Variants in MDM4 observed in about 807,000 individuals in gnomAD.
MDM4 encodes the protein protein Mdm4.
A neutral mutation model predicts 60.2 loss-of-function variants in MDM4; 2 were observed. The ratio of observed to expected loss-of-function variants is 0.03; its 90% CI spans 0.01 to 0.10. The LOEUF (loss-of-function observed/expected upper bound fraction) is 0.10. MDM4 is among the 10% of genes least tolerant of loss of function. MDM4 has a pLI of 1.00. For missense variants in MDM4, 447 were observed against 577.5 expected, an observed-to-expected ratio of 0.77 and a Z score of 2.32; for synonymous variants, 202 against 198.1, an observed-to-expected ratio of 1.02 and a Z score of -0.17.
intron 1 of MDM4, among the ~76,000 whole-genome samples, chr1:204,519,928 A>C (rs558082952): frequency 6.6e-6 from 1 of 152,250 alleles, no homozygotes; most frequent in African/African-American, 2.4e-5. Context: ...TAGAAGGAGA[A>C]AATCTAGAAC....
chr1:204,527,814 G>A (rs550683036), intron 3 of MDM4, among the ~76,000 whole-genome samples: 5 of 151,858 alleles, frequency 3.3e-5, no homozygotes, highest in Admixed American at 2.6e-4. Flanking sequence ...CTTTCATTTG[G>A]TGGGGTAGAT....
At chr1:204,546,268 T>G (rs548084454) in intron 9 of MDM4, among the ~76,000 whole-genome samples, 1 of 152,270 alleles carries the variant, frequency 6.6e-6, no homozygotes, top group Non-Finnish European at 1.5e-5. Flanking sequence ...AGTGGTGAGA[T>G]CATAGCTTAC....
In MDM4 at chr1:204,536,649, C is replaced by T. The variant is rs183246725; in HGVS notation, c.344-781C>T. On this transcript the variant is annotated intron_variant, in intron 5 of 10. Transcript: ENST00000367182. ...TTGCAGCTTGATCTTTTCGTGTAGC[C>T]AAGTTTTTGTCTTTTGTTCTACTTG... Among the ~76,000 whole-genome samples the T allele has an allele frequency of 3.6e-4, 55 of 152,242 alleles. 2 individuals carry two copies. The East Asian group carries it at 9.5e-3, about 26-fold the overall frequency.
At chr1:204,546,311 T>C (rs2102437710) in intron 9 of MDM4, among the ~76,000 whole-genome samples, 1 of 152,274 alleles carries the variant, frequency 6.6e-6, no homozygotes, top group East Asian at 1.9e-4. Context: ...CAAGCGATTC[T>C]CTTGTCTCAG....
At chr1:204,536,589 C>T (rs1661452179) in intron 5 of MDM4, among the ~76,000 whole-genome samples, 1 of 152,144 alleles carries the variant, frequency 6.6e-6, no homozygotes, top group East Asian at 1.9e-4. Flanking sequence ...ATTCACATAG[C>T]CTCAAATAAT....
intron 3 of MDM4, chr1:204,528,955 T>G (rs772925369): frequency 6.4e-7 from 1 of 1,561,948 alleles, no homozygotes; most frequent in Non-Finnish European, 8.8e-7. Flanking sequence ...TGCAGCTGGG[T>G]GCACACCTGG....
intron 7 of MDM4, among the ~76,000 whole-genome samples, chr1:204,538,819 C>T (rs573969794): frequency 6.0e-5 from 9 of 151,064 alleles, no homozygotes; most frequent in African/African-American, 2.2e-4. Context: ...GATTCTTGTG[C>T]CTCAGCCTCC....
At chr1:204,534,155 A>G (rs1661151842) in intron 5 of MDM4, among the ~76,000 whole-genome samples, 1 of 152,208 alleles carries the variant, frequency 6.6e-6, no homozygotes, top group African/African-American at 2.4e-5. Flanking sequence ...ATACCGAAAC[A>G]TGATTTTGAA....
intron 1 of MDM4, chr1:204,525,204 A>T: frequency 3.5e-6 from 1 of 284,134 alleles, no homozygotes; most frequent in Non-Finnish European, 5.3e-6. Context: ...AAAACAGTTT[A>T]CTGATTAACA....
chr1:204,542,987 A>G lies in MDM4; in HGVS notation c.672+43A>G. On this transcript the variant is annotated intron_variant, in intron 8 of 10. Coordinates refer to ENST00000367182, the MANE Select transcript of MDM4 (RefSeq NM_002393.5). ...AGGGAAGTGGTTTTTTTTCTTTTGA[A>G]AGGGTAACATTCTTGGTTACTCTTG... is the stretch of plus-strand genomic sequence containing the variant. The G allele has an allele frequency of 2.0e-6, 3 of 1,507,680 alleles. No individual in the cohort carries two copies. In the East Asian group the frequency reaches 6.8e-5, roughly 34 times the overall value. 93.4% of individuals were successfully genotyped at this position (1,507,680 alleles called of 1,614,324 possible).
At chr1:204,529,379 AG>A in intron 3 of MDM4, 1 of 991,446 alleles carries the variant, frequency 1.0e-6, no homozygotes, top group South Asian at 1.3e-5. Flanking sequence ...CCTGTCCATG[AG>A]GCCTGGGCTG....
At chr1:204,520,753 G>A (rs1300038909) in intron 1 of MDM4, among the ~76,000 whole-genome samples, 1 of 152,174 alleles carries the variant, frequency 6.6e-6, no homozygotes. Flanking sequence ...GCGCATGCCT[G>A]TAGTCCCAGA....
intron 7 of MDM4, 144 bp from the exon 8 acceptor site, chr1:204,542,636 AAGAC>A: frequency 1.7e-6 from 1 of 592,904 alleles, no homozygotes; most frequent in Non-Finnish European, 2.8e-6. Flanking sequence ...CTCTGCCACT[AAGAC>A]AGATACTTGA....
chr1:204,546,317 C>T (rs970367330), intron 9 of MDM4, among the ~76,000 whole-genome samples: 1 of 152,082 alleles, frequency 6.6e-6, no homozygotes, highest in South Asian at 2.1e-4. Context: ...ATTCTCTTGT[C>T]TCAGCCCCCA....
In MDM4 at chr1:204,553,893, A is replaced by G. The variant is rs1461897627; in HGVS notation, c.*4211A>G. On this transcript the variant is annotated 3_prime_UTR_variant, in exon 11 of 11. Coordinates refer to ENST00000367182, the MANE Select transcript of MDM4 (RefSeq NM_002393.5). ...TGGAATAGTATGGGTTTCTAATCCT[A>G]GGCTTGTACAATGGATTGGAGTTGA... 3 of 223,044 alleles carry G rather than the reference A, an allele frequency of 1.3e-5. No homozygotes were observed. The highest frequency in any genetic ancestry group is 2.7e-5 in the Non-Finnish European group (3 of 111,732). The allele number at this position is 223,044 out of a possible 1,614,324, so 13.8% of individuals were successfully genotyped here.
chr1:204,538,831 G>A (rs1481266744), intron 7 of MDM4, among the ~76,000 whole-genome samples: 3 of 148,680 alleles, frequency 2.0e-5, no homozygotes, highest in African/African-American at 7.4e-5. Context: ...TCAGCCTCCT[G>A]AGTAGCTGAG....
chr1:204,536,791 T>A (rs1239936320), intron 5 of MDM4: 2 of 189,162 alleles, frequency 1.1e-5, no homozygotes, highest in Non-Finnish European at 2.2e-5. Flanking sequence ...TGAGAAAAAC[T>A]TTATTTGCTG....
At chr1:204,528,875 G>A (rs1660537470) in intron 3 of MDM4, 6 of 1,588,968 alleles carry the variant, frequency 3.8e-6, no homozygotes, top group Admixed American at 3.4e-5. Flanking sequence ...TGGTGACGAC[G>A]TCCTTGAAGC....
chr1:204,519,376 G>A (rs967331965), intron 1 of MDM4, among the ~76,000 whole-genome samples: 2 of 152,242 alleles, frequency 1.3e-5, no homozygotes, highest in South Asian at 4.2e-4. Flanking sequence ...GCGTGATGGT[G>A]CATGCCTGTA....
Sources: allele counts gnomAD v4.1 joint callset (sites outside exome capture counted in the v4.1 genomes callset), GRCh38; gene constraint gnomAD v4.1.1; transcripts MANE v1.5; gene names NCBI Gene and HGNC (gene_info 2026-07-23, HGNC 2026-07-21).